Variants in POLA1 observed in about 807,000 individuals in gnomAD.
POLA1 encodes DNA polymerase alpha 1, catalytic subunit.
POLA1 carries 15 observed loss-of-function variants against 124.0 expected under a neutral mutation model. The observed-to-expected ratio is 0.12, with a 90% CI of 0.08 to 0.19. The LOEUF (loss-of-function observed/expected upper bound fraction) is 0.19, where lower values mean the gene tolerates loss of function less well. Among genes scored for constraint, POLA1 ranks in the 10% least tolerant of loss-of-function variants. The probability of loss-of-function intolerance (pLI) is 1.00; values close to 1 mark genes in which losing one functional copy is unlikely to be tolerated. For missense variants in POLA1, 886 were observed against 1,103.4 expected (o/e 0.80, Z 2.79); for synonymous variants, 408 against 389.4 (o/e 1.05, Z -0.56).
chrX:24,829,797 C>T (rs757335691), intron 32 of POLA1, among the ~76,000 whole-genome samples: 68 of 111,613 alleles, frequency 6.1e-4, no homozygotes, highest in South Asian at 4.9e-3. Context: ...TTAGGGGGTA[C>T]GTGGTTTCTA....
chrX:24,741,269 A>T (rs1931639644), intron 20 of POLA1, 106 bp from the exon 21 acceptor site: 1 of 588,976 alleles, frequency 1.7e-6, no homozygotes, highest in African/African-American at 2.2e-5. Context: ...TGTTGCTCTG[A>T]ATTTACTTAC....
At chrX:24,714,115 A>G (rs1929656969) in intron 4 of POLA1, among the ~76,000 whole-genome samples, 1 of 112,527 alleles carries the variant, frequency 8.9e-6, no homozygotes, top group Non-Finnish European at 1.9e-5. Flanking sequence ...AAACTCATTT[A>G]AAATATTTTT....
At chrX:24,882,259 A>G (rs779485461) in intron 34 of POLA1, among the ~76,000 whole-genome samples, 123 of 112,052 alleles carry the variant, frequency 1.1e-3, no homozygotes, top group Non-Finnish European at 1.9e-3. Context: ...TGTTTTTTAT[A>G]AACTTGCTCC....
At chrX:24,723,704 G>A (rs1208181320) in intron 11 of POLA1, among the ~76,000 whole-genome samples, 5 of 111,731 alleles carry the variant, frequency 4.5e-5, no homozygotes, top group African/African-American at 6.5e-5. Flanking sequence ...TTATTGAGAC[G>A]GAGCCTAGCC....
intron 26 of POLA1, among the ~76,000 whole-genome samples, chrX:24,765,732 A>G (rs1458511623): frequency 8.9e-6 from 1 of 111,788 alleles, no homozygotes; most frequent in Non-Finnish European, 1.9e-5. Flanking sequence ...CCATGTGCCA[A>G]TTTTCCAGAA....
intron 36 of POLA1, among the ~76,000 whole-genome samples, chrX:24,945,668 C>T (rs1039142697): frequency 1.4e-4 from 16 of 111,320 alleles, no homozygotes; most frequent in Non-Finnish European, 2.3e-4. Context: ...TAAAAATCTC[C>T]GCAGGTGATT....
rs144475855 is a variant in POLA1 at position 24,903,244 on chromosome X, T to G, written c.4164+15122T>G. On this transcript the variant is annotated intron_variant, in intron 35 of 36. Coordinates refer to ENST00000379068, the MANE Select transcript of POLA1 (RefSeq NM_001330360.2). ...ATATCAATGGCACTGGAATAAATTCTCATATTCAAAACAAGCGCTGTAGCA... is the reference window on the plus strand; with the variant it reads ...ATATCAATGGCACTGGAATAAATTCGCATATTCAAAACAAGCGCTGTAGCA... 4.6e-3 allele frequency among the ~76,000 whole-genome samples: 525 copies of G among 113,131 alleles called. 1 individual carries two copies. Among genetic ancestry groups the G allele is most frequent in the African/African-American group, 0.016 (501 of 31,187 alleles).
intron 35 of POLA1, among the ~76,000 whole-genome samples, chrX:24,913,645 T>TG (rs752835389): frequency 1.2e-4 from 13 of 105,688 alleles, no homozygotes; most frequent in Non-Finnish European, 2.3e-4. Context: ...ACCCGGGAGA[T>TG]GGAGGTTGCA....
intron 35 of POLA1, among the ~76,000 whole-genome samples, chrX:24,926,238 A>G (rs2047689491): frequency 9.1e-6 from 1 of 110,379 alleles, no homozygotes; most frequent in Non-Finnish European, 1.9e-5. Flanking sequence ...AAAGAAACCA[A>G]ATAGAAAAGA....
At chrX:24,772,787 G>C (rs995484917) in intron 26 of POLA1, among the ~76,000 whole-genome samples, 1 of 111,320 alleles carries the variant, frequency 9.0e-6, no homozygotes, top group Non-Finnish European at 1.9e-5. Flanking sequence ...CTTCCTCAAA[G>C]ACCTAAAAAC....
chrX:24,932,525 A>G (rs1422396188), intron 36 of POLA1, among the ~76,000 whole-genome samples: 1 of 111,941 alleles, frequency 8.9e-6, no homozygotes, highest in Non-Finnish European at 1.9e-5. Flanking sequence ...GGATCTGTAC[A>G]CTCAGAGTTT....
At chrX:24,720,351 C>T (rs929300421) in intron 10 of POLA1, among the ~76,000 whole-genome samples, 2 of 111,932 alleles carry the variant, frequency 1.8e-5, no homozygotes, top group Non-Finnish European at 3.8e-5. Context: ...TGCCACAAAG[C>T]CTGTAAGCTC....
intron 36 of POLA1, among the ~76,000 whole-genome samples, chrX:24,944,717 G>T (rs1391419936): frequency 9.0e-6 from 1 of 111,596 alleles, no homozygotes; most frequent in African/African-American, 3.3e-5. Flanking sequence ...TAGAAATGAA[G>T]GGATCGATTT....
intron 34 of POLA1, among the ~76,000 whole-genome samples, chrX:24,857,977 A>C (rs185495098): frequency 8.9e-6 from 1 of 111,921 alleles, no homozygotes; most frequent in East Asian, 2.8e-4. Context: ...ACCATGTGCT[A>C]TATATGAGAA....
chrX:24,965,174 G>A (rs2048208525), intron 36 of POLA1, among the ~76,000 whole-genome samples: 1 of 112,127 alleles, frequency 8.9e-6, no homozygotes. Flanking sequence ...TACACTGTGT[G>A]CAGAATCAGT....
chrX:24,759,024 G>A (rs1468317780), intron 26 of POLA1, among the ~76,000 whole-genome samples: 2 of 111,593 alleles, frequency 1.8e-5, no homozygotes, highest in African/African-American at 6.5e-5. Flanking sequence ...AGGAATCCAG[G>A]TGTGGGCACC....
intron 35 of POLA1, among the ~76,000 whole-genome samples, chrX:24,888,617 T>G (rs1186479306): frequency 2.0e-5 from 2 of 98,974 alleles, no homozygotes; most frequent in Non-Finnish European, 4.1e-5. Context: ...TTTTTTTTTT[T>G]TTTTTTTTTT....
At chrX:24,821,390 T>C in intron 30 of POLA1, 62 bp from the exon 31 acceptor site, 3 of 921,854 alleles carry the variant, frequency 3.3e-6, no homozygotes, top group South Asian at 2.8e-5. Flanking sequence ...ATGTTTTTAG[T>C]GTATATCTGT....
At chrX:24,970,816 G>A (rs2048293404) in intron 36 of POLA1, among the ~76,000 whole-genome samples, 2 of 111,741 alleles carry the variant, frequency 1.8e-5, no homozygotes, top group African/African-American at 6.5e-5. Flanking sequence ...TCTTGTTAAA[G>A]CCACTTAACT....
Sources: allele counts gnomAD v4.1 joint callset (sites outside exome capture counted in the v4.1 genomes callset), GRCh38; gene constraint gnomAD v4.1.1; transcripts MANE v1.5; gene names NCBI Gene and HGNC (gene_info 2026-07-23, HGNC 2026-07-21).